Variants in TAB2 observed in about 807,000 individuals in gnomAD.
The protein encoded by TAB2 is TGF-beta-activated kinase 1 and MAP3K7-binding protein 2.
A neutral mutation model predicts 65.0 loss-of-function variants in TAB2; 3 were observed. The observed-to-expected ratio is 0.05, with a 90% CI of 0.02 to 0.12. The LOEUF (loss-of-function observed/expected upper bound fraction) is 0.12, where lower values mean the gene tolerates loss of function less well. Ranked by LOEUF, TAB2 falls within the 10% of genes least tolerant of loss-of-function variation. The pLI, the probability that TAB2 is intolerant of heterozygous loss-of-function variation, is 1.00. For missense variants in TAB2, 623 were observed against 840.3 expected (o/e 0.74, Z 3.20); for synonymous variants, 298 against 285.1 (o/e 1.05, Z -0.46).
Position 149,219,830 on chromosome 6 carries a change from G to A in TAB2, c.-121+1054G>A, listed in dbSNP as rs74698573. On this transcript the variant is annotated intron_variant, in intron 1 of 1. Transcript: ENST00000606202. ...CTGAAAGTCCCAAGAGACCCTTACC[G>A]TACTCTGTAGACAAGCAATTCTCAA... Among the ~76,000 whole-genome samples, 794 of 152,186 alleles carry A rather than the reference G, an allele frequency of 5.2e-3. 9 individuals are homozygous for A. The highest frequency in any genetic ancestry group is 0.018 in the African/African-American group (760 of 41,518).
At chr6:149,339,235 C>T (rs530058555) in intron 1 of TAB2, among the ~76,000 whole-genome samples, 2 of 151,984 alleles carry the variant, frequency 1.3e-5, no homozygotes, top group African/African-American at 2.4e-5. Context: ...TGGTGGCACG[C>T]GCCTGTAGTC....
intron 1 of TAB2, among the ~76,000 whole-genome samples, chr6:149,308,237 T>G (rs1205905754): frequency 6.6e-6 from 1 of 152,082 alleles, no homozygotes; most frequent in Non-Finnish European, 1.5e-5. Context: ...GTGGAAGAGG[T>G]CAAACAGTTT....
At chr6:149,368,242 T>G (rs1378502195) in intron 1 of TAB2, among the ~76,000 whole-genome samples, 2 of 151,590 alleles carry the variant, frequency 1.3e-5, no homozygotes, top group African/African-American at 4.8e-5. Flanking sequence ...AATGAGGGAG[T>G]AGTGGTTGAA....
At chr6:149,391,228 G>A (rs1781972204) in intron 3 of TAB2, among the ~76,000 whole-genome samples, 1 of 152,018 alleles carries the variant, frequency 6.6e-6, no homozygotes, top group Non-Finnish European at 1.5e-5. Flanking sequence ...TATGATTATT[G>A]TACCTTTGTA....
At chr6:149,268,578 A>C (rs1407334455) in intron 1 of TAB2, among the ~76,000 whole-genome samples, 2 of 152,226 alleles carry the variant, frequency 1.3e-5, no homozygotes, top group East Asian at 3.8e-4. Flanking sequence ...TTCTCGGAGC[A>C]ATTGGACTTA....
intron 1 of TAB2, among the ~76,000 whole-genome samples, chr6:149,357,430 A>AAAAACACACACACACACACACAC: frequency 6.3e-5 from 7 of 111,186 alleles, no homozygotes; most frequent in South Asian, 3.5e-4. Flanking sequence ...AGAAAAAAAA[A>AAAAACACACACACACACACACAC]ACACACACAC....
At chr6:149,284,645 TACACACACACACACACAC>T (rs59723819) in intron 1 of TAB2, among the ~76,000 whole-genome samples, 3,129 of 141,626 alleles carry the variant, frequency 0.022, 51 homozygotes, top group East Asian at 0.07. Flanking sequence ...ATGATCTCTT[TACACACACACACACACAC>T]ACACACACAC....
chr6:149,280,749 GAAT>G (rs1437038664), intron 1 of TAB2, among the ~76,000 whole-genome samples: 1 of 151,928 alleles, frequency 6.6e-6, no homozygotes, highest in Admixed American at 6.6e-5. Flanking sequence ...GAGACCACCT[GAAT>G]AATAAAGTGA....
At chr6:149,256,823 C>T (rs79410827) in intron 1 of TAB2, among the ~76,000 whole-genome samples, 8,094 of 152,216 alleles carry the variant, frequency 0.053, 257 homozygotes, top group Middle Eastern at 0.12. Flanking sequence ...GCTCAAAACT[C>T]GCCTACATGC....
intron 1 of TAB2, among the ~76,000 whole-genome samples, chr6:149,228,951 T>C (rs1777342190): frequency 6.6e-6 from 1 of 152,208 alleles, no homozygotes; most frequent in South Asian, 2.1e-4. Context: ...AAGCATTCTC[T>C]GGAGAGAGGG....
chr6:149,218,284 A>C (rs1562376873), upstream of TAB2, among the ~76,000 whole-genome samples: 4 of 152,204 alleles, frequency 2.6e-5, no homozygotes, highest in Admixed American at 2.0e-4. Context: ...GGCCACACAG[A>C]ACAATGTATT....
intron 3 of TAB2, among the ~76,000 whole-genome samples, chr6:149,382,028 G>T (rs1331540865): frequency 6.6e-6 from 1 of 152,106 alleles, no homozygotes; most frequent in Admixed American, 6.5e-5. Flanking sequence ...ATATGCATCA[G>T]ATCATATCAC....
chr6:149,328,196 G>A (rs542398319), intron 1 of TAB2, among the ~76,000 whole-genome samples: 1 of 152,326 alleles, frequency 6.6e-6, no homozygotes, highest in African/African-American at 2.4e-5. Flanking sequence ...ACTCCATAGA[G>A]CGTATTTCAT....
rs114354570 is a variant in TAB2, at chr6:149,289,224, C to G, written c.-121+70448C>G. On this transcript the variant is annotated intron_variant, in intron 1 of 1. Transcript: ENST00000606202. ...AAACCATCCAATGGCCTCCATCTAG[C>G]TCAAAATAAAAGGCAAAATCAGGCA... Among the ~76,000 whole-genome samples, 730 of 152,074 alleles carry G rather than the reference C, an allele frequency of 4.8e-3. 6 individuals carry two copies. Among genetic ancestry groups the G allele is most frequent in the African/African-American group, 0.016 (676 of 41,498 alleles).
chr6:149,266,988 G>T (rs956020190), intron 1 of TAB2, among the ~76,000 whole-genome samples: 6 of 152,216 alleles, frequency 3.9e-5, no homozygotes, highest in African/African-American at 1.4e-4. Context: ...AAAGAAAGAG[G>T]TTGGAAATTA....
Position 149,341,057 on chromosome 6 carries a change from C to G in TAB2, c.-90+23042C>G, listed in dbSNP as rs990616746. On this transcript the variant is annotated intron_variant, in intron 1 of 6. Coordinates refer to ENST00000637181, the MANE Select transcript of TAB2 (RefSeq NM_001292034.3). Reference sequence around the variant, plus strand: ...TTAAAACATTTCCTAACTTAAGGACCAAATTATATCATGCATTGATTGCTT... The same window carrying G: ...TTAAAACATTTCCTAACTTAAGGACGAAATTATATCATGCATTGATTGCTT... Among the ~76,000 whole-genome samples, 3 of 151,896 alleles carry G rather than the reference C, an allele frequency of 2.0e-5. No individual in the cohort carries two copies. The East Asian group carries it at 5.8e-4, about 29-fold the overall frequency.
intron 1 of TAB2, among the ~76,000 whole-genome samples, chr6:149,302,043 T>C (rs1778980784): frequency 6.6e-6 from 1 of 152,166 alleles, no homozygotes; most frequent in Non-Finnish European, 1.5e-5. Flanking sequence ...TGTCTTATCA[T>C]TGTATATGTT....
chr6:149,320,191 C>T (rs555127098), intron 1 of TAB2, among the ~76,000 whole-genome samples: 1 of 152,312 alleles, frequency 6.6e-6, no homozygotes, highest in Non-Finnish European at 1.5e-5. Context: ...ATTCTCCCGC[C>T]TCAGCCTTCC....
At chr6:149,220,679 G>C (rs140859445) in intron 1 of TAB2, 1 of 152,064 alleles carries the variant, frequency 6.6e-6, no homozygotes, top group Non-Finnish European at 1.5e-5. Flanking sequence ...GTGCAGTGGC[G>C]CAATCTTGGT....
Sources: gnomAD v4.1 joint callset for allele counts (sites outside exome capture counted in the v4.1 genomes callset) on GRCh38, gnomAD v4.1.1 for gene constraint, MANE v1.5 for transcripts, NCBI Gene and HGNC (gene_info 2026-07-23, HGNC 2026-07-21) for gene names.